PSMD9: variants seen among roughly 807,000 people sequenced by gnomAD.
The protein encoded by PSMD9 is proteasome 26S subunit, non-ATPase 9.
In PSMD9, 26 loss-of-function variants were observed where a neutral mutation model predicts 25.9. The observed-to-expected ratio is 1.00, with a 90% CI of 0.73 to 1.39. PSMD9 has a LOEUF of 1.39. Ranked by LOEUF, PSMD9 falls within the 40% of genes most tolerant of loss-of-function variation. PSMD9 has a pLI of 0.00. For missense variants in PSMD9, 303 were observed against 299.3 expected (o/e 1.01, Z -0.09); for synonymous variants, 110 against 114.5 (o/e 0.96, Z 0.25).
intron 2 of PSMD9, among the ~76,000 whole-genome samples, chr12:121,896,249 C>G (rs2135720544): frequency 6.6e-6 from 1 of 152,020 alleles, no homozygotes; most frequent in East Asian, 1.9e-4. Context: ...GCGGGCAGAT[C>G]ACCTGAGGTC....
intron 2 of PSMD9, among the ~76,000 whole-genome samples, chr12:121,896,849 A>AG (rs201718356): frequency 0.4 from 59,104 of 148,348 alleles, 12,675 homozygotes; most frequent in Non-Finnish European, 0.49. Context: ...AAAAAAAAAA[A>AG]AAAAGAAAAG....
At chr12:121,906,125 G>C (rs1416889157) in intron 4 of PSMD9, among the ~76,000 whole-genome samples, 1 of 151,986 alleles carries the variant, frequency 6.6e-6, no homozygotes, top group African/African-American at 2.4e-5. Context: ...CTTCCGTGTA[G>C]GCTTATAAAT....
chr12:121,891,292 T>C, intron 1 of PSMD9, among the ~76,000 whole-genome samples: 1 of 117,976 alleles, frequency 8.5e-6, no homozygotes, highest in South Asian at 2.9e-4. Flanking sequence ...TGAGATGCTG[T>C]CTCTTTAAAA....
chr12:121,916,228 G>T lies in PSMD9; in HGVS notation c.645-56G>T, dbSNP rs1327966620. On this transcript the variant is annotated intron_variant, in intron 5 of 5. Transcript: ENST00000541212. The stretch of plus-strand genomic sequence containing the variant: ...AAAAGGTCAGAAGGGCTCAGCCTCT[G>T]ACCTTCCTGAAGGGAGCCTCCAAAC... 3 of 1,603,042 alleles carry T rather than the reference G, an allele frequency of 1.9e-6. No homozygotes were observed. In the African/African-American group the frequency reaches 4.0e-5, roughly 21 times the overall value.
chr12:121,907,509 C>T (rs1338585467), intron 4 of PSMD9, among the ~76,000 whole-genome samples: 1 of 152,150 alleles, frequency 6.6e-6, no homozygotes, highest in African/African-American at 2.4e-5. Flanking sequence ...GAACTTCCTA[C>T]AGCTGGGATT....
intron 4 of PSMD9, among the ~76,000 whole-genome samples, chr12:121,905,478 C>A (rs1879528378): frequency 6.6e-6 from 1 of 151,250 alleles, no homozygotes; most frequent in Non-Finnish European, 1.5e-5. Context: ...CCTGCCTTGG[C>A]CTCCCAAAGT....
chr12:121,901,699 G>A (rs190963480), intron 3 of PSMD9, among the ~76,000 whole-genome samples: 36,140 of 105,026 alleles, frequency 0.34, 5,491 homozygotes, highest in East Asian at 0.56. Flanking sequence ...TTTTTGAGAC[G>A]GAGTCTCGCT....
In PSMD9 at chr12:121,915,920, G is replaced by T. The variant is rs376166363; in HGVS notation, c.620G>T (p.Arg207Leu). 16 of 1,613,848 alleles carry T rather than the reference G, an allele frequency of 9.9e-6. No homozygotes were observed. Among genetic ancestry groups the T allele is most frequent in the East Asian group, 6.7e-5 (3 of 44,886 alleles). ...EKHQLRLVPT[R>L]WAGKGLLGCN... The stretch of plus-strand genomic sequence containing the variant: ...CACCAGCTTAGACTTGTTCCAACAC[G>T]CTGGGCAGGAAAAGGACTGCTGGGG... Residue 207 changes from arginine (R) to leucine (L), a missense_variant, in exon 5 of 6, where the codon CGC becomes CTC. Transcript: ENST00000541212.
intron 1 of PSMD9, among the ~76,000 whole-genome samples, chr12:121,891,682 G>C (rs949531426): frequency 6.6e-6 from 1 of 151,794 alleles, no homozygotes; most frequent in Non-Finnish European, 1.5e-5. Flanking sequence ...GAGGTGTGTG[G>C]ATCGCTTGAG....
At position 121,915,848 on chromosome 12, in the gene PSMD9, C is replaced by G. The variant is rs1879881327; in HGVS notation, c.556-8C>G. The G allele has an allele frequency of 6.2e-7, 1 of 1,609,922 alleles. No homozygotes were observed. Among genetic ancestry groups the G allele is most frequent in the Non-Finnish European group, 8.5e-7 (1 of 1,177,646 alleles). On this transcript the variant is annotated splice_region_variant and splice_polypyrimidine_tract_variant and intron_variant, in intron 4 of 5. Transcript: ENST00000541212. ...GCTGAACACGAAATGAGCTTATTTT[C>G]TTTTCAGAAGCCCCTGAATGTGACA... is the stretch of plus-strand genomic sequence containing the variant.
intron 4 of PSMD9, 109 bp from the exon 5 acceptor site, chr12:121,915,747 A>T: frequency 5.2e-6 from 5 of 962,984 alleles, no homozygotes; most frequent in Non-Finnish European, 7.9e-6. Context: ...TATGCTGCAA[A>T]TGTAAATCTT....
At chr12:121,914,597 AT>A (rs1180394481) in intron 4 of PSMD9, 6 of 152,204 alleles carry the variant, frequency 3.9e-5, no homozygotes, top group Admixed American at 1.3e-4. Context: ...CATGCCCAAA[AT>A]CCCAGCACTT....
chr12:121,893,565 C>G (rs1186418179), intron 1 of PSMD9, among the ~76,000 whole-genome samples: 2 of 152,188 alleles, frequency 1.3e-5, no homozygotes, highest in Non-Finnish European at 2.9e-5. Context: ...AGGGTTGGCT[C>G]CTTCTGCAGG....
At chr12:121,902,853 T>G in intron 3 of PSMD9, 153 bp from the exon 4 acceptor site, 3 of 611,820 alleles carry the variant, frequency 4.9e-6, no homozygotes, top group Non-Finnish European at 9.0e-6. Context: ...CCTTCCTGCA[T>G]GAGGTGTCTA....
chr12:121,889,099 C>G, intron 1 of PSMD9, 105 bp downstream of exon 1: 1 of 1,410,242 alleles, frequency 7.1e-7, no homozygotes, highest in Non-Finnish European at 9.5e-7. Context: ...CAACGGATCT[C>G]CCTGGGAGGC....
chr12:121,899,748 C>T lies in PSMD9; in HGVS notation c.356C>T (p.Ala119Val). 1.2e-6 allele frequency: 2 copies of T among 1,614,078 alleles called. No individual in the cohort carries two copies. Among genetic ancestry groups the T allele is most frequent in the Non-Finnish European group, 1.7e-6 (2 of 1,179,964 alleles). The change falls in exon 3 of 6, where the codon GCC (alanine) becomes GTC (valine). Residue 119 changes from alanine to valine, a missense_variant. Coordinates refer to ENST00000541212, the MANE Select transcript of PSMD9 (RefSeq NM_002813.7). ...GACATGGCTGAGGCCCACAAAGAGG[C>T]CATGAGCCGCAAACTGGGTCAGAGT... ...ARDMAEAHKE[A>V]MSRKLGQSES...
chr12:121,912,854 G>T, intron 4 of PSMD9, among the ~76,000 whole-genome samples: 1 of 130,464 alleles, frequency 7.7e-6, no homozygotes, highest in East Asian at 2.2e-4. Flanking sequence ...GGCAACAGGA[G>T]TGAAACCCTG....
Position 121,901,666 on chromosome 12 carries a change from C to CT in PSMD9, c.454-1313dup, listed in dbSNP as rs563939839. On this transcript the variant is annotated intron_variant, in intron 3 of 5. Coordinates refer to ENST00000541212, the MANE Select transcript of PSMD9 (RefSeq NM_002813.7). ...TGTCATGCCTGGCCCTTCATTCCTT[C>CT]TTTTTTTTTTTTTTTTTTTTTTTTT... 2.8e-3 allele frequency among the ~76,000 whole-genome samples: 264 copies of CT among 93,570 alleles called. 31 individuals carry two copies. Among genetic ancestry groups the CT allele is most frequent in the South Asian group, 8.8e-3 (20 of 2,272 alleles). 61.4% of individuals were successfully genotyped at this position (93,570 alleles called of 152,430 possible).
At chr12:121,907,377 GT>G (rs76008352) in intron 4 of PSMD9, among the ~76,000 whole-genome samples, 40 of 141,164 alleles carry the variant, frequency 2.8e-4, no homozygotes, top group Middle Eastern at 4.1e-3. Flanking sequence ...GCCTTTCTTT[GT>G]TTTTTTTTTT....
Sources: gnomAD v4.1 joint callset for allele counts (sites outside exome capture counted in the v4.1 genomes callset) on GRCh38, gnomAD v4.1.1 for gene constraint, MANE v1.5 for transcripts, NCBI Gene and HGNC (gene_info 2026-07-23, HGNC 2026-07-21) for gene names.